GLG1: variants seen among roughly 807,000 people sequenced by gnomAD.
The protein encoded by GLG1 is golgi glycoprotein 1.
A neutral mutation model predicts 160.5 loss-of-function variants in GLG1; 38 were observed. That is an observed-to-expected ratio of 0.24 (90% CI 0.18 to 0.31). GLG1 has a LOEUF of 0.31. Ranked by LOEUF, GLG1 falls within the 10% of genes least tolerant of loss-of-function variation. The pLI is 1.00. For synonymous variants in GLG1, 644 were observed against 543.4 expected, an observed-to-expected ratio of 1.19 and a Z score of -2.57; for missense variants, 1,373 against 1,505.2, an observed-to-expected ratio of 0.91 and a Z score of 1.45.
chr16:74,593,177 T>A, intron 1 of GLG1, among the ~76,000 whole-genome samples: 1 of 152,038 alleles, frequency 6.6e-6, no homozygotes, highest in Non-Finnish European at 1.5e-5. Context: ...TATTACCCAG[T>A]CTTGGGTATT....
intron 2 of GLG1, among the ~76,000 whole-genome samples, chr16:74,513,197 G>C (rs2016869072): frequency 6.6e-6 from 1 of 152,112 alleles, no homozygotes; most frequent in African/African-American, 2.4e-5. Flanking sequence ...CTGGAGAAGG[G>C]CAGGATTTAG....
intron 10 of GLG1, among the ~76,000 whole-genome samples, chr16:74,481,845 C>T (rs891547428): frequency 9.9e-5 from 15 of 152,174 alleles, no homozygotes; most frequent in South Asian, 2.1e-4. Context: ...AGGGCAGTGG[C>T]GCGATATCGG....
At chr16:74,455,822 G>T (rs141043513) in intron 25 of GLG1, among the ~76,000 whole-genome samples, 1 of 152,224 alleles carries the variant, frequency 6.6e-6, no homozygotes, top group Admixed American at 6.5e-5. Flanking sequence ...TCACTGTAAA[G>T]TGACGAAACA....
At chr16:74,524,277 T>C (rs1192202695) in intron 2 of GLG1, among the ~76,000 whole-genome samples, 1 of 152,198 alleles carries the variant, frequency 6.6e-6, no homozygotes, top group East Asian at 1.9e-4. Flanking sequence ...CCTGTTTTCT[T>C]TTTTCTTGCC....
At chr16:74,521,845 A>T (rs578257451) in intron 2 of GLG1, among the ~76,000 whole-genome samples, 210 of 152,290 alleles carry the variant, frequency 1.4e-3, no homozygotes, top group African/African-American at 4.8e-3. Context: ...TTGTCTAGTC[A>T]CAGGGGCATG....
intron 1 of GLG1, among the ~76,000 whole-genome samples, chr16:74,589,299 T>C (rs954433344): frequency 6.6e-6 from 1 of 151,700 alleles, no homozygotes; most frequent in Non-Finnish European, 1.5e-5. Flanking sequence ...TATGAAAATG[T>C]TTTTATAAGT....
intron 1 of GLG1, among the ~76,000 whole-genome samples, chr16:74,566,001 G>C (rs534892063): frequency 6.6e-6 from 1 of 152,266 alleles, no homozygotes; most frequent in African/African-American, 2.4e-5. Flanking sequence ...CAGGTATTTT[G>C]TAGAACGTCC....
At position 74,572,543 on chromosome 16, in the gene GLG1, C is replaced by A. The variant is rs200208490; in HGVS notation, c.438+34114G>T. Among the ~76,000 whole-genome samples the A allele has an allele frequency of 1.8e-4, 26 of 145,614 alleles. 2 individuals carry two copies. Among genetic ancestry groups the A allele is most frequent in the East Asian group, 8.0e-4 (4 of 5,004 alleles). ...AAAAACAAACAAAAAAAAAAAAACACAAAACACCCCAAAGGACTGGGTTCT... is the reference window on the plus strand; with the variant it reads ...AAAAACAAACAAAAAAAAAAAAACAAAAAACACCCCAAAGGACTGGGTTCT... On this transcript the variant is annotated intron_variant, in intron 1 of 25. Coordinates refer to ENST00000422840, the MANE Select transcript of GLG1 (RefSeq NM_001145667.2).
rs1369487717 is a variant in GLG1 at position 74,452,201 on chromosome 16, C to G, written c.*966G>C. On this transcript the variant is annotated 3_prime_UTR_variant, in exon 26 of 26. Coordinates refer to ENST00000422840, the MANE Select transcript of GLG1 (RefSeq NM_001145667.2). ...CTGACCCACTGCTCCCCACACCCAT[C>G]TTCAAGGACCCCTCCCGCCACAGTC... 3.2e-6 allele frequency: 5 copies of G among 1,550,226 alleles called. No individual in the cohort carries two copies. The South Asian group carries it at 4.7e-5, about 15-fold the overall frequency.
At chr16:74,549,325 G>A (rs1175524919) in intron 1 of GLG1, among the ~76,000 whole-genome samples, 1 of 151,718 alleles carries the variant, frequency 6.6e-6, no homozygotes, top group African/African-American at 2.4e-5. Flanking sequence ...ATGGAGTCTT[G>A]CTCTGTTGCC....
chr16:74,551,700 G>C (rs1417523617), intron 1 of GLG1, among the ~76,000 whole-genome samples: 4 of 151,546 alleles, frequency 2.6e-5, no homozygotes, highest in Admixed American at 6.6e-5. Context: ...TGTATGGGGG[G>C]AGGGGGACCT....
chr16:74,465,571 G>C, intron 19 of GLG1, 105 bp downstream of exon 19: 2 of 1,163,034 alleles, frequency 1.7e-6, no homozygotes, highest in South Asian at 1.4e-5. Flanking sequence ...TGCTCGTCTA[G>C]GGACCACACT....
intron 9 of GLG1, among the ~76,000 whole-genome samples, chr16:74,484,396 C>T (rs1407815286): frequency 4.6e-5 from 7 of 151,918 alleles, no homozygotes; most frequent in African/African-American, 1.7e-4. Flanking sequence ...TGCAATGGCA[C>T]GATCTTGGCT....
intron 1 of GLG1, 127 bp downstream of exon 1, chr16:74,606,530 G>A: frequency 1.4e-6 from 1 of 738,104 alleles, no homozygotes; most frequent in East Asian, 2.8e-5. Flanking sequence ...GAGCAAAGAG[G>A]GAAGGAGCGA....
chr16:74,590,260 A>G (rs1958143080), intron 1 of GLG1, among the ~76,000 whole-genome samples: 1 of 151,956 alleles, frequency 6.6e-6, no homozygotes, highest in Non-Finnish European at 1.5e-5. Context: ...CGGCCTCCCA[A>G]AATACTGGGA....
intron 1 of GLG1, among the ~76,000 whole-genome samples, chr16:74,547,682 T>C (rs2018086772): frequency 2.0e-5 from 3 of 152,264 alleles, no homozygotes; most frequent in South Asian, 4.1e-4. Flanking sequence ...AAAAATACAT[T>C]TTTTTCAACC....
chr16:74,606,576 G>A (rs1958571597), intron 1 of GLG1, 81 bp downstream of exon 1: 5 of 1,199,170 alleles, frequency 4.2e-6, no homozygotes, highest in African/African-American at 1.5e-5. Context: ...GCAGCCGACC[G>A]GCGTCAGCGG....
rs915132387 is a variant in GLG1, at chr16:74,474,434, T to C, written c.2052+112A>G. ...ATGGAAAATTTGATCAGGTTTCTTTTGATTGACAGAAAATCTGCACTCTCA... is the reference window on the plus strand; with the variant it reads ...ATGGAAAATTTGATCAGGTTTCTTTCGATTGACAGAAAATCTGCACTCTCA... On this transcript the variant is annotated intron_variant, in intron 13 of 25. Coordinates refer to ENST00000422840, the MANE Select transcript of GLG1 (RefSeq NM_001145667.2). The C allele has an allele frequency of 6.7e-5, 47 of 699,786 alleles. No homozygotes were observed. The African/African-American group carries it at 6.9e-4, about 10-fold the overall frequency. The allele number at this position is 699,786 out of a possible 1,614,324, so 43.3% of individuals were successfully genotyped here.
Position 74,561,342 on chromosome 16 carries a change from C to T in GLG1, c.439-29189G>A, listed in dbSNP as rs144059146. ...TGTTTCCACAGTTAATTGCTTTATA[C>T]GGATGCATTTTCTTTAAGCTCTTTA... On this transcript the variant is annotated intron_variant, in intron 1 of 25. Coordinates refer to ENST00000422840, the MANE Select transcript of GLG1 (RefSeq NM_001145667.2). Among the ~76,000 whole-genome samples, 713 of 152,286 alleles carry T rather than the reference C, an allele frequency of 4.7e-3. 1 individual carries two copies. Among genetic ancestry groups the T allele is most frequent in the Non-Finnish European group, 6.5e-3 (440 of 68,012 alleles).
Sources: gnomAD v4.1 joint callset for allele counts (sites outside exome capture counted in the v4.1 genomes callset) on GRCh38, gnomAD v4.1.1 for gene constraint, MANE v1.5 for transcripts, NCBI Gene and HGNC (gene_info 2026-07-23, HGNC 2026-07-21) for gene names.